The following RTL4 variants were observed in gnomAD, a reference collection of about 807,000 sequenced individuals.
RTL4 encodes the protein retrotransposon Gag-like protein 4.
RTL4 carries 4 observed loss-of-function variants against 5.3 expected under a neutral mutation model. The observed-to-expected ratio is 0.75, with a 90% CI of 0.37 to 1.72. RTL4 has a LOEUF of 1.72. Ranked by LOEUF, RTL4 falls within the 40% of genes most tolerant of loss-of-function variation. The pLI is 0.04. For missense variants in RTL4, 260 were observed against 227.1 expected (o/e 1.14, Z -0.93); for synonymous variants, 98 against 87.3 (o/e 1.12, Z -0.68).
chrX:112,408,883 G>A, the RTL4 span, among the ~76,000 whole-genome samples: 1 of 112,293 alleles, frequency 8.9e-6, no homozygotes, highest in Non-Finnish European at 1.9e-5. Context: ...TAGTTAAAGT[G>A]CTGAAGGAAA....
chrX:112,329,156 A>G, the RTL4 span, among the ~76,000 whole-genome samples: 1 of 111,055 alleles, frequency 9.0e-6, no homozygotes, highest in Admixed American at 9.7e-5. Context: ...AATAACTAAA[A>G]TCAGAGCAGA....
the RTL4 span, among the ~76,000 whole-genome samples, chrX:112,124,456 T>C: frequency 1.8e-5 from 2 of 111,471 alleles, no homozygotes; most frequent in African/African-American, 3.3e-5. Context: ...TAAAAAAAAA[T>C]GTGGTACATA....
chrX:112,212,355 G>C, the RTL4 span, among the ~76,000 whole-genome samples: 7 of 111,444 alleles, frequency 6.3e-5, no homozygotes, highest in East Asian at 2.8e-4. Context: ...CAGCCTGGGC[G>C]ACAGAGCGAG....
the RTL4 span, among the ~76,000 whole-genome samples, chrX:112,358,051 C>T: frequency 6.3e-5 from 7 of 110,713 alleles, no homozygotes; most frequent in Admixed American, 3.9e-4. Flanking sequence ...GTTATAGGAA[C>T]GGGTTTCTAC....
At position 112,455,576 on chromosome X, in the gene RTL4, G is replaced by A. The variant is rs747968203; in HGVS notation, c.848G>A (p.Cys283Tyr). ...CAAGAAACTCAGTTGTGCCTCTACT[G>A]CAGCCAATCTGGTCACTTCACAAGA... The change falls in exon 1 of 1, where the codon TGC becomes TAC. Residue 283 changes from cysteine to tyrosine, a missense_variant. Coordinates refer to ENST00000340433, the Ensembl canonical transcript of RTL4. 1.7e-5 allele frequency: 21 copies of A among 1,211,771 alleles called. No individual in the cohort carries two copies. The Admixed American group carries it at 3.7e-4, about 21-fold the overall frequency.
chrX:112,368,572 G>T, the RTL4 span, among the ~76,000 whole-genome samples: 1 of 111,158 alleles, frequency 9.0e-6, no homozygotes. Flanking sequence ...CTGGGAGGGG[G>T]TTACTGACAT....
chrX:112,255,007 C>T, the RTL4 span, among the ~76,000 whole-genome samples: 2 of 111,775 alleles, frequency 1.8e-5, no homozygotes, highest in African/African-American at 6.5e-5. Flanking sequence ...TTAATCACTG[C>T]TGGGCAGGAC....
the RTL4 span, among the ~76,000 whole-genome samples, chrX:112,365,161 C>T: frequency 6.3e-5 from 7 of 110,821 alleles, no homozygotes; most frequent in East Asian, 1.2e-3. Context: ...AAATATGCCA[C>T]GTGGACATGG....
chrX:112,407,785 G>C, the RTL4 span, among the ~76,000 whole-genome samples: 1 of 112,815 alleles, frequency 8.9e-6, no homozygotes, highest in Non-Finnish European at 1.9e-5. Context: ...TCTACCCCCA[G>C]CTCCAGGAAG....
chrX:112,450,248 T>C (rs1926712303), upstream of RTL4, among the ~76,000 whole-genome samples: 1 of 112,665 alleles, frequency 8.9e-6, no homozygotes, highest in African/African-American at 3.2e-5. Flanking sequence ...AACTGTTAAC[T>C]ATGGCTTTGA....
At chrX:112,319,799 T>C in the RTL4 span, among the ~76,000 whole-genome samples, 1 of 112,396 alleles carries the variant, frequency 8.9e-6, no homozygotes, top group South Asian at 3.7e-4. Context: ...ATCCGTGTTG[T>C]TGAGTATATC....
chrX:112,256,083 C>G, the RTL4 span, among the ~76,000 whole-genome samples: 2 of 111,690 alleles, frequency 1.8e-5, no homozygotes, highest in Non-Finnish European at 3.8e-5. Context: ...TGAGTGAGCT[C>G]TCCTTCATTT....
the RTL4 span, among the ~76,000 whole-genome samples, chrX:112,341,066 A>G: frequency 2.4e-3 from 263 of 111,099 alleles, 1 homozygote; most frequent in African/African-American, 7.8e-3. Context: ...GTGACATGAA[A>G]TTAACTTAAA....
the RTL4 span, among the ~76,000 whole-genome samples, chrX:112,216,984 C>T: frequency 8.9e-5 from 10 of 111,999 alleles, no homozygotes; most frequent in East Asian, 2.8e-4. Context: ...CAGGGATCAT[C>T]CAGAACATTA....
chrX:112,254,472 A>G, the RTL4 span, among the ~76,000 whole-genome samples: 1 of 110,206 alleles, frequency 9.1e-6, no homozygotes, highest in Non-Finnish European at 1.9e-5. Context: ...TGGGACTACA[A>G]GCACACGCCA....
the RTL4 span, among the ~76,000 whole-genome samples, chrX:112,190,887 G>A: frequency 8.9e-6 from 1 of 111,742 alleles, no homozygotes; most frequent in Admixed American, 9.5e-5. Context: ...TCGGTGCTAC[G>A]GCAATAGTAT....
chrX:112,137,405 G>A, the RTL4 span, among the ~76,000 whole-genome samples: 1 of 112,055 alleles, frequency 8.9e-6, no homozygotes, highest in Admixed American at 9.5e-5. Context: ...TCACAGTTCT[G>A]CATGGCTCTG....
At chrX:112,149,330 A>G in the RTL4 span, among the ~76,000 whole-genome samples, 3 of 111,671 alleles carry the variant, frequency 2.7e-5, no homozygotes, top group Non-Finnish European at 5.6e-5. Context: ...AGATGATGAT[A>G]AGTGCTAGGA....
the RTL4 span, among the ~76,000 whole-genome samples, chrX:112,440,909 G>A: frequency 9.0e-6 from 1 of 111,612 alleles, no homozygotes; most frequent in African/African-American, 3.3e-5. Flanking sequence ...TCTGGGAAAG[G>A]AAAATCTTCA....
Sources: gnomAD v4.1 joint callset for allele counts (sites outside exome capture counted in the v4.1 genomes callset) on GRCh38, gnomAD v4.1.1 for gene constraint, MANE v1.5 for transcripts, NCBI Gene and HGNC (gene_info 2026-07-23, HGNC 2026-07-21) for gene names.